The following NPEPL1 variants were observed in gnomAD, a reference collection of about 807,000 sequenced individuals.
The protein encoded by NPEPL1 is aminopeptidase like 1.
Under a neutral mutation model 52.4 loss-of-function variants are expected in NPEPL1, and 45 were observed. That is an observed-to-expected ratio of 0.86 (90% CI 0.68 to 1.10). The LOEUF (loss-of-function observed/expected upper bound fraction) is 1.10, where lower values mean the gene tolerates loss of function less well. Among genes scored for constraint, NPEPL1 ranks in the 50% least tolerant of loss-of-function variants. The probability of loss-of-function intolerance (pLI) is 0.00; values close to 1 mark genes in which losing one functional copy is unlikely to be tolerated. For missense variants in NPEPL1, 696 were observed against 710.9 expected, an observed-to-expected ratio of 0.98 and a Z score of 0.24; for synonymous variants, 360 against 314.7, an observed-to-expected ratio of 1.14 and a Z score of -1.52.
At chr20:58,714,135 G>A (rs1327794997) in intron 10 of NPEPL1, 42 bp downstream of exon 10, 45 of 1,512,088 alleles carry the variant, frequency 3.0e-5, no homozygotes, top group Non-Finnish European at 3.9e-5. Context: ...CACATGGGTG[G>A]AGCCGGGCAG....
At position 58,713,143 on chromosome 20, in the gene NPEPL1, T is replaced by G. The variant is rs1229273654; in HGVS notation, c.1002-277T>G. The G allele has an allele frequency of 2.3e-6, 1 of 433,186 alleles. No individual in the cohort carries two copies. The highest frequency in any genetic ancestry group is 4.1e-5 in the East Asian group (1 of 24,154). 26.8% of individuals were successfully genotyped at this position (433,186 alleles called of 1,614,324 possible). ...GCCCAGCCGGTTCATGCCACCCACT[T>G]TACAGAAGAAGAAACTGAGGCATGG... On this transcript the variant is annotated intron_variant, in intron 8 of 11. Transcript: ENST00000356091. This position sits in a 1 kb window ranked among gnomAD's most constrained non-coding sequence, Gnocchi z 4.6.
upstream of NPEPL1, chr20:58,691,693 CTTTTTTTTTTT>C (rs11471424): frequency 2.0e-5 from 11 of 561,314 alleles, no homozygotes; most frequent in Non-Finnish European, 3.2e-5. Context: ...TTTTTCTTTT[CTTTTTTTTTTT>C]TTTTTTTTTT....
chr20:58,705,377 TTA>T, intron 6 of NPEPL1: 1 of 436,434 alleles, frequency 2.3e-6, no homozygotes, highest in South Asian at 1.6e-5. Flanking sequence ...CAGGAGTACA[TTA>T]TGAGTCACAC....
At chr20:58,704,525 CATAA>C (rs1568854935) in intron 6 of NPEPL1, 2 of 322,640 alleles carry the variant, frequency 6.2e-6, no homozygotes, top group Non-Finnish European at 8.9e-6. Flanking sequence ...TGCATGTTAT[CATAA>C]ATAATTTTAT....
intron 6 of NPEPL1, chr20:58,703,668 A>G: frequency 1.0e-6 from 1 of 985,256 alleles, no homozygotes. Flanking sequence ...ATATCGTTGC[A>G]CCTGACTTCA....
upstream of NPEPL1, chr20:58,691,550 G>C: frequency 1.5e-6 from 1 of 651,390 alleles, no homozygotes; most frequent in Admixed American, 2.8e-5. Context: ...CCTGGAGCCT[G>C]TGGACAGGGA....
chr20:58,691,881 A>C, upstream of NPEPL1: 1 of 1,107,942 alleles, frequency 9.0e-7, no homozygotes. Context: ...TCCCCAATGC[A>C]TCGTCATTCC....
chr20:58,715,052 C>T, intron 11 of NPEPL1, 116 bp from the exon 12 acceptor site: 3 of 1,180,548 alleles, frequency 2.5e-6, no homozygotes, highest in Non-Finnish European at 3.5e-6. Flanking sequence ...GGATCTCCTT[C>T]CTGAGAAGGG....
At chr20:58,715,109 G>C in intron 11 of NPEPL1, 59 bp from the exon 12 acceptor site, 1 of 1,523,790 alleles carries the variant, frequency 6.6e-7, no homozygotes, top group East Asian at 2.5e-5. Flanking sequence ...GGGTCCCCAG[G>C]AACCCCTCCT....
intron 6 of NPEPL1, among the ~76,000 whole-genome samples, chr20:58,702,544 T>TTAA (rs1568853498): frequency 6.6e-6 from 1 of 152,204 alleles, no homozygotes; most frequent in Non-Finnish European, 1.5e-5. Context: ...TTGTTTTTTT[T>TTAA]TAATAGAAAA....
At chr20:58,702,398 G>C (rs1311161649) in intron 6 of NPEPL1, among the ~76,000 whole-genome samples, 4 of 152,166 alleles carry the variant, frequency 2.6e-5, no homozygotes, top group Non-Finnish European at 5.9e-5. Context: ...GGGTGGCGCT[G>C]GTGCAGCTCG....
chr20:58,692,080 C>A, upstream of NPEPL1: 1 of 537,088 alleles, frequency 1.9e-6, no homozygotes, highest in Non-Finnish European at 3.3e-6. The surrounding 1 kb of genome is among the most constrained non-coding windows in gnomAD (Gnocchi z 5.7). Context: ...TCCTTTCCTG[C>A]TTAGACTGTG....
chr20:58,707,150 T>A lies in NPEPL1; in HGVS notation c.850T>A (p.Cys284Ser). 1 of 1,552,686 alleles carries A rather than the reference T, an allele frequency of 6.4e-7. No individual in the cohort carries two copies. The stretch of plus-strand genomic sequence containing the variant: ...TACCATGCCGGGGATGAAGCGAGAC[T>A]GCGGGGGTGCTGCGGCCGTCCTGGG... ...KTTMPGMKRD[C>S]GGAAAVLGAF... The change falls in exon 7 of 12, where the codon TGC (cysteine) becomes AGC (serine). Residue 284 changes from cysteine (C) to serine (S), a missense_variant. By Grantham distance (112) the Cys-to-Ser change is moderately radical. Transcript: ENST00000356091.
In NPEPL1 at chr20:58,703,413, G is replaced by A. The variant is rs1451239300; in HGVS notation, c.822+2255G>A. ...CTAGTCGGTTATGATTCCTAAATTC[G>A]CCACAGATAGTGCACCCCCTACTGC... On this transcript the variant is annotated intron_variant, in intron 6 of 11. Coordinates refer to ENST00000356091, the MANE Select transcript of NPEPL1 (RefSeq NM_024663.4). 3.1e-5 allele frequency: 30 copies of A among 962,188 alleles called. 1 individual carries two copies. In the South Asian group the frequency reaches 4.8e-4, roughly 15 times the overall value. The allele number at this position is 962,188 out of a possible 1,614,324, so 59.6% of individuals were successfully genotyped here. A position where few individuals can be genotyped will look rare whatever the true frequency, so the allele number is the denominator to read the frequency against.
Position 58,707,213 on chromosome 20 carries a change from T to C in NPEPL1, c.900+13T>C. On this transcript the variant is annotated intron_variant, in intron 7 of 11. Coordinates refer to ENST00000356091, the MANE Select transcript of NPEPL1 (RefSeq NM_024663.4). ...CGCAATCAAGCAGGTGAGTGGGCCC[T>C]GCCCGCCCTCTGCAGGGGCATCCTG... 6.5e-7 allele frequency: 1 copy of C among 1,546,262 alleles called. No homozygotes were observed. Among genetic ancestry groups the C allele is most frequent in the Non-Finnish European group, 8.7e-7 (1 of 1,144,930 alleles).
rs888886210 is a variant in NPEPL1 at position 58,715,494 on chromosome 20, C to T, written c.*168C>T. On this transcript the variant is annotated 3_prime_UTR_variant, in exon 12 of 12. Coordinates refer to ENST00000356091, the MANE Select transcript of NPEPL1 (RefSeq NM_024663.4). ...TTAGGAGACAGCTTAGGGTTTGGTGCGGGCCACGGGGAGGGGACCGGGAAG... is the reference window on the plus strand; with the variant it reads ...TTAGGAGACAGCTTAGGGTTTGGTGTGGGCCACGGGGAGGGGACCGGGAAG... 23 of 663,760 alleles carry T rather than the reference C, an allele frequency of 3.5e-5. No individual in the cohort carries two copies. The highest frequency in any genetic ancestry group is 4.0e-4 in the Middle Eastern group (1 of 2,492). 41.1% of individuals were successfully genotyped at this position (663,760 alleles called of 1,614,324 possible). A position where few individuals can be genotyped will look rare whatever the true frequency, so the allele number is the denominator to read the frequency against.
rs756826440 is a variant in NPEPL1 at position 58,693,723 on chromosome 20, C to T, written c.151-14C>T. 3 of 1,590,002 alleles carry T rather than the reference C, an allele frequency of 1.9e-6. No individual in the cohort carries two copies. The highest frequency in any genetic ancestry group is 4.5e-5 in the East Asian group (2 of 44,140). ...TTTGAAGCCTCTGTGTCTTGTCTCT[C>T]CCTTCTGATCTAGCTCTGGCAGGCT... On this transcript the variant is annotated splice_polypyrimidine_tract_variant and intron_variant, in intron 1 of 11. Transcript: ENST00000356091.
rs761439244 is a variant in NPEPL1 at position 58,713,418 on chromosome 20, AG to A, written c.1002del. ...TGAGCGGGGATCTCTACCATGCCCC[AG>A]GACGGTGGAAATCAACAACACGGAT... On this transcript the variant is annotated splice_acceptor_variant, in intron 8 of 11. Transcript: ENST00000356091. LOFTEE classifies it high-confidence loss of function. This position sits in a 1 kb window ranked among gnomAD's most constrained non-coding sequence, Gnocchi z 4.6. 1 of 1,603,516 alleles carries A rather than the reference AG, an allele frequency of 6.2e-7. No individual in the cohort carries two copies. The highest frequency in any genetic ancestry group is 8.5e-7 in the Non-Finnish European group (1 of 1,174,850).
At position 58,713,595 on chromosome 20, in the gene NPEPL1, C is replaced by T; in HGVS notation, c.1125+52C>T. 6.6e-7 allele frequency: 1 copy of T among 1,512,650 alleles called. No homozygotes were observed. Among genetic ancestry groups the T allele is most frequent in the Non-Finnish European group, 8.9e-7 (1 of 1,125,568 alleles). The allele number at this position is 1,512,650 out of a possible 1,614,324, so 93.7% of individuals were successfully genotyped here. On this transcript the variant is annotated intron_variant, in intron 9 of 11. Transcript: ENST00000356091. This position sits in a 1 kb window ranked among gnomAD's most constrained non-coding sequence, Gnocchi z 4.6. ...AGCTGTAGTCCCAGGGAACCCCACC[C>T]CACTCTTGACCTCAAGGTGGGGAAG...
Sources: gnomAD v4.1 joint callset for allele counts (sites outside exome capture counted in the v4.1 genomes callset) on GRCh38, gnomAD v4.1.1 for gene constraint, Gnocchi (gnomAD v3.1) non-coding constraint, MANE v1.5 for transcripts, NCBI Gene and HGNC (gene_info 2026-07-23, HGNC 2026-07-21) for gene names.